PANX3: variants seen among roughly 807,000 people sequenced by gnomAD.
PANX3 encodes pannexin 3, also known as pannexin-3.
Under a neutral mutation model 31.5 loss-of-function variants are expected in PANX3, and 18 were observed. The observed-to-expected ratio is 0.57, with a 90% CI of 0.39 to 0.85. The LOEUF is 0.85. Among genes scored for constraint, PANX3 ranks in the 40% least tolerant of loss-of-function variants. The probability of loss-of-function intolerance (pLI) is 0.00; values close to 1 mark genes in which losing one functional copy is unlikely to be tolerated. For missense variants in PANX3, 426 were observed against 485.4 expected, an observed-to-expected ratio of 0.88 and a Z score of 1.15; for synonymous variants, 194 against 201.6, an observed-to-expected ratio of 0.96 and a Z score of 0.32.
intron 1 of PANX3, among the ~76,000 whole-genome samples, chr11:124,612,746 C>T (rs139729038): frequency 2.0e-4 from 31 of 152,294 alleles, no homozygotes; most frequent in Middle Eastern, 3.4e-3. Context: ...GAGCAAAGAA[C>T]CACCAGACCC....
intron 2 of PANX3, among the ~76,000 whole-genome samples, chr11:124,614,167 T>TAAAAAAAAAAAAAAAAAAAAAAAAAA (rs71042444): frequency 1.4e-5 from 1 of 73,460 alleles, no homozygotes. Flanking sequence ...ATCTAAATGG[T>TAAAAAAAAAAAAAAAAAAAAAAAAAA]AAAAAAAAAA....
At chr11:124,617,228 G>T (rs765408263) in intron 2 of PANX3, 46 bp from the exon 3 acceptor site, 25 of 1,464,902 alleles carry the variant, frequency 1.7e-5, no homozygotes, top group Non-Finnish European at 1.9e-5. Flanking sequence ...GTCACTCGGG[G>T]TCTCAGCAGC....
rs986816391 is a variant in PANX3 at position 124,619,384 on chromosome 11, C to T, written c.628C>T (p.Leu210Phe). 1.2e-6 allele frequency: 2 copies of T among 1,614,056 alleles called. No homozygotes were observed. The highest frequency in any genetic ancestry group is 1.3e-5 in the African/African-American group (1 of 74,920). ...QRSHSLVATY[L>F]LRNSLLLIFT... is the part of the protein sequence containing the mutation. Reference sequence around the variant, plus strand: ...TTCACATTCGCTAGTGGCTACCTACCTCCTGAGGAACTCCCTCTTGCTCAT... The same window carrying T: ...TTCACATTCGCTAGTGGCTACCTACTTCCTGAGGAACTCCCTCTTGCTCAT... Residue 210 changes from leucine (L) to phenylalanine (F), a missense_variant, in exon 4 of 4, where the codon CTC (leucine) becomes TTC (phenylalanine). Leu to Phe is a conservative substitution (Grantham distance 22). Coordinates refer to ENST00000284288, the MANE Select transcript of PANX3 (RefSeq NM_052959.3).
intron 2 of PANX3, 118 bp from the exon 3 acceptor site, chr11:124,617,156 C>A (rs1863162121): frequency 4.6e-6 from 4 of 870,602 alleles, no homozygotes; most frequent in African/African-American, 1.7e-5. Flanking sequence ...TAGCCCATTC[C>A]CCAAACAGCC....
intron 3 of PANX3, 39 bp downstream of exon 3, chr11:124,617,527 C>G: frequency 6.3e-7 from 1 of 1,591,496 alleles, no homozygotes; most frequent in Non-Finnish European, 8.6e-7. Context: ...GAAATTCAGT[C>G]AAGCATTAAA....
Position 124,614,286 on chromosome 11 carries a change from C to T in PANX3, c.324+1164C>T, listed in dbSNP as rs530842742. 6.0e-4 allele frequency among the ~76,000 whole-genome samples: 91 copies of T among 151,288 alleles called. 2 individuals carry two copies. In the South Asian group the frequency reaches 7.7e-3, roughly 13 times the overall value. On this transcript the variant is annotated intron_variant, in intron 2 of 3. Transcript: ENST00000284288. The stretch of plus-strand genomic sequence containing the variant: ...GCCAGAAAACTTTATTTTTTTGAGA[C>T]GGAGTTGTTTTGTGCTTGTCACCTA...
chr11:124,616,041 A>G lies in PANX3; in HGVS notation c.325-1233A>G, dbSNP rs772303669. On this transcript the variant is annotated intron_variant, in intron 2 of 3. Transcript: ENST00000284288. The surrounding 1 kb of genome is among the most constrained non-coding windows in gnomAD (Gnocchi z 4.8). ...TAAATAAATAAATAAATAAATAAAA[A>G]TCTTTACAAGTAGAGATTTTACTGT... Among the ~76,000 whole-genome samples the G allele has an allele frequency of 6.6e-6, 1 of 152,118 alleles. No individual in the cohort carries two copies. The highest frequency in any genetic ancestry group is 1.5e-5 in the Non-Finnish European group (1 of 68,028).
At position 124,620,022 on chromosome 11, in the gene PANX3, A is replaced by C. The variant is rs995980318; in HGVS notation, c.*87A>C. The C allele has an allele frequency of 2.2e-6, 3 of 1,382,408 alleles. No individual in the cohort carries two copies. The highest frequency in any genetic ancestry group is 1.5e-5 in the African/African-American group (1 of 68,934). The allele number at this position is 1,382,408 out of a possible 1,614,324, so 85.6% of individuals were successfully genotyped here. A position where few individuals can be genotyped will look rare whatever the true frequency, so the allele number is the denominator to read the frequency against. ...ACACTAATACACATACACACCAAAA[A>C]ATTACACATTTTAAAACTGCTAAGC... On this transcript the variant is annotated 3_prime_UTR_variant, in exon 4 of 4. Coordinates refer to ENST00000284288, the MANE Select transcript of PANX3 (RefSeq NM_052959.3).
rs778912235 is a variant in PANX3, at chr11:124,611,519, C to T, written c.-38C>T. 6.4e-7 allele frequency: 1 copy of T among 1,562,468 alleles called. No homozygotes were observed. Among genetic ancestry groups the T allele is most frequent in the African/African-American group, 1.4e-5 (1 of 74,032 alleles). On this transcript the variant is annotated 5_prime_UTR_variant, in exon 1 of 4. Coordinates refer to ENST00000284288, the MANE Select transcript of PANX3 (RefSeq NM_052959.3). ...CTCCTCATTCCACCATCCCAGGACCCCTGCTGCCACCTCTGCACCCCCAAG... is the reference window on the plus strand; with the variant it reads ...CTCCTCATTCCACCATCCCAGGACCTCTGCTGCCACCTCTGCACCCCCAAG...
rs1490726814 is a variant in PANX3, at chr11:124,619,764, C to T, written c.1008C>T (p.Asn336=). The T allele has an allele frequency of 5.0e-6, 8 of 1,614,092 alleles. No homozygotes were observed. The highest frequency in any genetic ancestry group is 6.8e-6 in the Non-Finnish European group (8 of 1,180,054). Residue 336 remains asparagine, a synonymous_variant, in exon 4 of 4, where the codon AAC becomes AAT. Transcript: ENST00000284288. Reference sequence around the variant, plus strand: ...TGATCCTTCTTTTCCTCCGAGCTAACATCTCTGAGCTCATCTCTTTTAGCT... The same window carrying T: ...TGATCCTTCTTTTCCTCCGAGCTAATATCTCTGAGCTCATCTCTTTTAGCT... The part of the protein sequence containing the change: ...LNVILLFLRA[N]ISELISFSWL...
In PANX3 at chr11:124,619,527, T is replaced by C; in HGVS notation, c.771T>C (p.Asn257=). 6.2e-7 allele frequency: 1 copy of C among 1,614,190 alleles called. No homozygotes were observed. The highest frequency in any genetic ancestry group is 8.5e-7 in the Non-Finnish European group (1 of 1,180,038). Residue 257 remains asparagine, a synonymous_variant, in exon 4 of 4, where the codon AAT becomes AAC. Coordinates refer to ENST00000284288, the MANE Select transcript of PANX3 (RefSeq NM_052959.3). ...GLLSDETHVP[N]LITCRLTSLS... ...TAAGTGATGAGACCCATGTCCCCAA[T>C]CTGATCACATGCAGGCTGACATCAC...
chr11:124,612,059 G>A (rs1229851079), intron 1 of PANX3, among the ~76,000 whole-genome samples: 1 of 151,740 alleles, frequency 6.6e-6, no homozygotes, highest in African/African-American at 2.4e-5. Context: ...GAAAGAAGTT[G>A]ACACTCCTGG....
intron 3 of PANX3, among the ~76,000 whole-genome samples, chr11:124,618,334 C>T (rs1421129016): frequency 6.6e-6 from 1 of 152,190 alleles, no homozygotes; most frequent in Non-Finnish European, 1.5e-5. Context: ...CCAATATTTT[C>T]CATAAGGGTT....
Position 124,620,046 on chromosome 11 carries a change from G to T in PANX3, c.*111G>T. On this transcript the variant is annotated 3_prime_UTR_variant, in exon 4 of 4. Coordinates refer to ENST00000284288, the MANE Select transcript of PANX3 (RefSeq NM_052959.3). ...AAATTACACATTTTAAAACTGCTAA[G>T]CTTGGATTTAACTGAATCATATATC... 1.7e-6 allele frequency: 2 copies of T among 1,185,004 alleles called. No individual in the cohort carries two copies. The allele number at this position is 1,185,004 out of a possible 1,614,324, so 73.4% of individuals were successfully genotyped here. A position where few individuals can be genotyped will look rare whatever the true frequency, so the allele number is the denominator to read the frequency against.
intron 2 of PANX3, among the ~76,000 whole-genome samples, chr11:124,615,082 C>CTTTCT (rs912108283): frequency 6.6e-6 from 1 of 151,592 alleles, no homozygotes; most frequent in South Asian, 2.1e-4. Flanking sequence ...AAACACACAC[C>CTTTCT]TTTCTTTTCT....
At position 124,619,804 on chromosome 11, in the gene PANX3, T is replaced by C. The variant is rs200652309; in HGVS notation, c.1048T>C (p.Cys350Arg). Reference sequence around the variant, plus strand: ...CTCTTTTAGCTGGCTGAGTGTCTTATGTGTGTTGAAGGATACAACCACCCA... The same window carrying C: ...CTCTTTTAGCTGGCTGAGTGTCTTACGTGTGTTGAAGGATACAACCACCCA... The part of the protein sequence containing the change: ...LISFSWLSVL[C>R]VLKDTTTQKH... The change falls in exon 4 of 4, where the codon TGT becomes CGT. Residue 350 changes from cysteine (C) to arginine (R), a missense_variant. Transcript: ENST00000284288. 2.7e-5 allele frequency: 43 copies of C among 1,614,106 alleles called. No individual in the cohort carries two copies. The highest frequency in any genetic ancestry group is 3.5e-5 in the Non-Finnish European group (41 of 1,180,052).
chr11:124,619,900 C>A lies in PANX3; in HGVS notation c.1144C>A (p.His382Asn). The A allele has an allele frequency of 6.2e-7, 1 of 1,611,622 alleles. No individual in the cohort carries two copies. Among genetic ancestry groups the A allele is most frequent in the Non-Finnish European group, 8.5e-7 (1 of 1,179,056 alleles). Residue 382 changes from histidine to asparagine, a missense_variant, in exon 4 of 4, where the codon CAC (histidine) becomes AAC (asparagine). Physicochemically the swap from His to Asn is moderately conservative, Grantham distance 68. Coordinates refer to ENST00000284288, the MANE Select transcript of PANX3 (RefSeq NM_052959.3). Reference sequence around the variant, plus strand: ...TGGCTTAGAACCCTCAAAACCCAAACACCTCACCAACTCGGCATGTGATGA... The same window carrying A: ...TGGCTTAGAACCCTCAAAACCCAAAAACCTCACCAACTCGGCATGTGATGA... ...LAGLEPSKPK[H>N]LTNSACDEHP
intron 3 of PANX3, among the ~76,000 whole-genome samples, chr11:124,618,580 A>T (rs182243649): frequency 3.3e-4 from 50 of 152,336 alleles, no homozygotes; most frequent in Admixed American, 2.4e-3. Context: ...TTTACATAAG[A>T]TGAATGAATT....
At chr11:124,612,610 C>A (rs1389751985) in intron 1 of PANX3, among the ~76,000 whole-genome samples, 1 of 152,224 alleles carries the variant, frequency 6.6e-6, no homozygotes, top group Non-Finnish European at 1.5e-5. Flanking sequence ...GAAGCCCAGG[C>A]AATTCATCCT....
Sources: allele counts gnomAD v4.1 joint callset (sites outside exome capture counted in the v4.1 genomes callset), GRCh38; gene constraint gnomAD v4.1.1; non-coding constraint Gnocchi (gnomAD v3.1); transcripts MANE v1.5; gene names NCBI Gene and HGNC (gene_info 2026-07-23, HGNC 2026-07-21).